The following DDX17 variants were observed in gnomAD, a reference collection of about 807,000 sequenced individuals.
DDX17 encodes the protein probable ATP-dependent RNA helicase DDX17.
A neutral mutation model predicts 80.8 loss-of-function variants in DDX17; 10 were observed. The observed-to-expected ratio is 0.12, with a 90% CI of 0.08 to 0.21. The LOEUF is 0.21. Among genes scored for constraint, DDX17 ranks in the 10% least tolerant of loss-of-function variants. The probability of loss-of-function intolerance (pLI) is 1.00; values close to 1 mark genes in which losing one functional copy is unlikely to be tolerated. For missense variants in DDX17, 586 were observed against 957.4 expected (o/e 0.61, Z 5.12); for synonymous variants, 339 against 336.2 (o/e 1.01, Z -0.09).
At chr22:38,492,773 A>C (rs1258266604) in intron 10 of DDX17, among the ~76,000 whole-genome samples, 2 of 152,208 alleles carry the variant, frequency 1.3e-5, no homozygotes, top group Non-Finnish European at 2.9e-5. Context: ...GGCGTGAGCC[A>C]CTGTGTCCGG....
At chr22:38,502,500 C>T (rs2089840788) in intron 1 of DDX17, among the ~76,000 whole-genome samples, 1 of 151,560 alleles carries the variant, frequency 6.6e-6, no homozygotes, top group Non-Finnish European at 1.5e-5. Context: ...TTCTTGTTCC[C>T]AAATGGTATT....
At chr22:38,492,688 G>A (rs1281278453) in intron 10 of DDX17, among the ~76,000 whole-genome samples, 1 of 152,082 alleles carries the variant, frequency 6.6e-6, no homozygotes, top group African/African-American at 2.4e-5. Flanking sequence ...GTTTCTCCAT[G>A]TTGGTCAGGC....
At position 38,488,004 on chromosome 22, in the gene DDX17, G is replaced by C; in HGVS notation, c.1559C>G (p.Thr520Ser). Residue 520 changes from threonine to serine, a missense_variant, in exon 12 of 13, where the codon ACC (threonine) becomes AGC (serine). By Grantham distance (58) the Thr-to-Ser change is moderately conservative. Transcript: ENST00000403230. ...TTTTAGGTTCCCTGGGGTGAAGAAG[G>C]TATAGGCGGTACCCTTGTTGGTGCT... The C allele has an allele frequency of 1.2e-6, 2 of 1,614,210 alleles. No individual in the cohort carries two copies. Among genetic ancestry groups the C allele is most frequent in the Non-Finnish European group, 1.7e-6 (2 of 1,180,044 alleles).
chr22:38,504,927 G>A (rs1879854887), intron 1 of DDX17, among the ~76,000 whole-genome samples: 1 of 152,070 alleles, frequency 6.6e-6, no homozygotes, highest in Non-Finnish European at 1.5e-5. Context: ...GGGGGTCGGG[G>A]GAGACGGAGT....
intron 10 of DDX17, 88 bp from the exon 11 acceptor site, chr22:38,492,203 G>T: frequency 8.8e-7 from 1 of 1,133,840 alleles, no homozygotes; most frequent in Non-Finnish European, 1.3e-6. Context: ...TCAAATAATG[G>T]TGCCAGAAAA....
chr22:38,498,417 G>C (rs375991943), intron 4 of DDX17, 23 bp downstream of exon 4: 2 of 1,612,966 alleles, frequency 1.2e-6, no homozygotes, highest in African/African-American at 2.7e-5. Context: ...CAATATCAAG[G>C]ATCTTCTCTT....
rs1602669176 is a variant in DDX17, at chr22:38,486,443, A to G, written c.1685-3T>C. 1 of 1,595,226 alleles carries G rather than the reference A, an allele frequency of 6.3e-7. No homozygotes were observed. The highest frequency in any genetic ancestry group is 8.5e-7 in the Non-Finnish European group (1 of 1,170,244). On this transcript the variant is annotated splice_polypyrimidine_tract_variant and splice_region_variant and intron_variant, in intron 12 of 12. Transcript: ENST00000403230. ...GGTCCGGTAACGAGAACGACCACCT[A>G]ATGGGAAGATACAAGAAGATTTTTA...
At chr22:38,487,178 G>A (rs548131905) in intron 12 of DDX17, among the ~76,000 whole-genome samples, 7 of 151,976 alleles carry the variant, frequency 4.6e-5, no homozygotes, top group African/African-American at 4.8e-5. Flanking sequence ...CCCCCGCCCC[G>A]CCAAAGCAAC....
intron 5 of DDX17, among the ~76,000 whole-genome samples, 186 bp from the exon 6 acceptor site, chr22:38,496,123 G>T (rs1045499462): frequency 6.6e-6 from 1 of 152,040 alleles, no homozygotes. Context: ...AAAATTATTA[G>T]AACTTCATGT....
intron 11 of DDX17, chr22:38,488,709 A>G: frequency 1.0e-6 from 1 of 987,734 alleles, no homozygotes; most frequent in Non-Finnish European, 1.2e-6. Context: ...AACTGAGTAG[A>G]GCCAAAGCTG....
chr22:38,501,010 G>T, intron 2 of DDX17, 120 bp downstream of exon 2: 12 of 1,228,266 alleles, frequency 9.8e-6, no homozygotes, highest in African/African-American at 3.2e-5. Context: ...AATTTTTTAA[G>T]AAAAATATCA....
intron 4 of DDX17, 78 bp downstream of exon 4, chr22:38,498,359 CGAA>C (rs2089791188): frequency 6.3e-7 from 1 of 1,576,100 alleles, no homozygotes; most frequent in Non-Finnish European, 8.7e-7. Flanking sequence ...GGCACTTCTA[CGAA>C]GAACTGAGAA....
intron 12 of DDX17, 58 bp downstream of exon 12, chr22:38,487,821 C>T (rs373186698): frequency 2.5e-6 from 4 of 1,588,330 alleles, no homozygotes; most frequent in Non-Finnish European, 3.5e-6. Context: ...AAGCAAGTCA[C>T]AGAAGGCGTA....
Position 38,485,891 on chromosome 22 carries a change from A to G in DDX17, c.*44T>C. On this transcript the variant is annotated 3_prime_UTR_variant, in exon 13 of 13. Coordinates refer to ENST00000403230, the MANE Select transcript of DDX17 (RefSeq NM_006386.5). ...AAAAAAAGGAAAGACAGTGTTCCTT[A>G]AAATGTAATTAAGTCTGCTGGAGTC... 1 of 1,588,600 alleles carries G rather than the reference A, an allele frequency of 6.3e-7. No individual in the cohort carries two copies. The highest frequency in any genetic ancestry group is 8.6e-7 in the Non-Finnish European group (1 of 1,167,316).
chr22:38,505,509 G>A (rs984700567), intron 1 of DDX17: 2 of 165,290 alleles, frequency 1.2e-5, no homozygotes, highest in Non-Finnish European at 2.6e-5. Flanking sequence ...GCCATTTCGT[G>A]TAAGGCTTTC....
At chr22:38,498,329 T>A in intron 4 of DDX17, 111 bp downstream of exon 4, 1 of 1,477,584 alleles carries the variant, frequency 6.8e-7, no homozygotes, top group African/African-American at 1.4e-5. Context: ...ATAACTAAAA[T>A]AGTATCTAAC....
intron 10 of DDX17, among the ~76,000 whole-genome samples, chr22:38,492,357 AT>A (rs557786864): frequency 3.9e-5 from 6 of 152,168 alleles, no homozygotes; most frequent in Non-Finnish European, 2.9e-5. Flanking sequence ...TATGAGCTAG[AT>A]TTTTTTCCCC....
Position 38,494,175 on chromosome 22 carries a change from T to C in DDX17, c.1215-44A>G, listed in dbSNP as rs573451242. On this transcript the variant is annotated intron_variant, in intron 8 of 12. Coordinates refer to ENST00000403230, the MANE Select transcript of DDX17 (RefSeq NM_006386.5). The stretch of plus-strand genomic sequence containing the variant: ...ATGCAGTCATCACACAGAAAGTTAT[T>C]ATGTGGACGATTATGTCTGCAATAT... 3 of 1,323,054 alleles carry C rather than the reference T, an allele frequency of 2.3e-6. No homozygotes were observed. In the Admixed American group the frequency reaches 5.2e-5, roughly 23 times the overall value. The allele number at this position is 1,323,054 out of a possible 1,614,324, so 82.0% of individuals were successfully genotyped here.
At chr22:38,495,186 A>C in intron 6 of DDX17, 140 bp from the exon 7 acceptor site, 2 of 731,754 alleles carry the variant, frequency 2.7e-6, no homozygotes, top group East Asian at 5.6e-5. Flanking sequence ...CAAGACCCCG[A>C]CTCTACAAAA....
Sources: gnomAD v4.1 joint callset for allele counts (sites outside exome capture counted in the v4.1 genomes callset) on GRCh38, gnomAD v4.1.1 for gene constraint, MANE v1.5 for transcripts, NCBI Gene and HGNC (gene_info 2026-07-23, HGNC 2026-07-21) for gene names.